PCDHGA5: variants seen among roughly 807,000 people sequenced by gnomAD.
The protein encoded by PCDHGA5 is protocadherin gamma-A5.
In PCDHGA5, 36 loss-of-function variants were observed where a neutral mutation model predicts 56.7. The observed-to-expected ratio is 0.64, with a 90% CI of 0.49 to 0.84. The LOEUF (loss-of-function observed/expected upper bound fraction) is 0.84. Among genes scored for constraint, PCDHGA5 ranks in the 40% least tolerant of loss-of-function variants. PCDHGA5 has a pLI of 0.00. For missense variants in PCDHGA5, 1,305 were observed against 1,201.5 expected, an observed-to-expected ratio of 1.09 and a Z score of -1.27; for synonymous variants, 563 against 520.2, an observed-to-expected ratio of 1.08 and a Z score of -1.12.
At position 141,476,105 on chromosome 5, in the gene PCDHGA5, C is replaced by T; in HGVS notation, c.2422-18702C>T. ...ATCTGGACCCCGCTGAGAGGAACTG[C>T]TTTTGAGTGAGATGGTCCCAGAGGC... On this transcript the variant is annotated intron_variant, in intron 1 of 3. Coordinates refer to ENST00000518069, the MANE Select transcript of PCDHGA5 (RefSeq NM_018918.3). This position sits in a 1 kb window ranked among gnomAD's most constrained non-coding sequence, Gnocchi z 7.6. 2.5e-6 allele frequency: 4 copies of T among 1,585,450 alleles called. No homozygotes were observed. The highest frequency in any genetic ancestry group is 3.4e-6 in the Non-Finnish European group (4 of 1,168,874).
In PCDHGA5 at chr5:141,489,844, C is replaced by G. The variant is rs1004902910; in HGVS notation, c.2422-4963C>G. Reference sequence around the variant, plus strand: ...GCTGGTGCTAGAGCAGCAGCTGGATCGTGAAGCCCAGGCAAGACATCAGCT... The same window carrying G: ...GCTGGTGCTAGAGCAGCAGCTGGATGGTGAAGCCCAGGCAAGACATCAGCT... On this transcript the variant is annotated intron_variant, in intron 1 of 3. Coordinates refer to ENST00000518069, the MANE Select transcript of PCDHGA5 (RefSeq NM_018918.3). The surrounding 1 kb of genome is among the most constrained non-coding windows in gnomAD (Gnocchi z 4.5). The G allele has an allele frequency of 1.2e-6, 2 of 1,614,030 alleles. No individual in the cohort carries two copies. Among genetic ancestry groups the G allele is most frequent in the Non-Finnish European group, 8.5e-7 (1 of 1,179,990 alleles).
intron 1 of PCDHGA5, chr5:141,392,138 G>C (rs1212519982): frequency 6.6e-6 from 1 of 152,142 alleles, no homozygotes; most frequent in Non-Finnish European, 1.5e-5. Context: ...TGATTAAGTA[G>C]TTTAAACCAA....
chr5:141,404,018 G>A (rs1280619437), intron 1 of PCDHGA5: 1 of 1,613,864 alleles, frequency 6.2e-7, no homozygotes, highest in African/African-American at 1.3e-5. Flanking sequence ...GTTTAGCCCA[G>A]TGAGAGAAGA....
At chr5:141,468,822 A>C (rs867400152) in intron 1 of PCDHGA5, among the ~76,000 whole-genome samples, 4 of 151,874 alleles carry the variant, frequency 2.6e-5, no homozygotes, top group Middle Eastern at 3.4e-3. Context: ...GCCAAGATCA[A>C]GCCACTGCAC....
intron 1 of PCDHGA5, chr5:141,375,574 G>A: frequency 6.2e-7 from 1 of 1,614,058 alleles, no homozygotes; most frequent in African/African-American, 1.3e-5. Context: ...ACACCCTCCA[G>A]GGGGCGCCCC....
At chr5:141,424,610 ATAGAG>A (rs1374272828) in intron 1 of PCDHGA5, 2 of 152,216 alleles carry the variant, frequency 1.3e-5, no homozygotes, top group African/African-American at 4.8e-5. Flanking sequence ...ATTTATTCAA[ATAGAG>A]TAGTTTGTGA....
In PCDHGA5 at chr5:141,487,260, C is replaced by T; in HGVS notation, c.2422-7547C>T. 6.2e-7 allele frequency: 1 copy of T among 1,614,116 alleles called. No homozygotes were observed. The highest frequency in any genetic ancestry group is 1.1e-5 in the South Asian group (1 of 91,080). On this transcript the variant is annotated intron_variant, in intron 1 of 3. Coordinates refer to ENST00000518069, the MANE Select transcript of PCDHGA5 (RefSeq NM_018918.3). The surrounding 1 kb of genome is among the most constrained non-coding windows in gnomAD (Gnocchi z 5.0). ...CGTCTAACCCTCTACTTGGCTGTGT[C>T]CCTAGTGGCAATTTGCTTTGTCTCC...
intron 1 of PCDHGA5, chr5:141,411,407 A>G (rs2154543610): frequency 6.6e-6 from 1 of 151,868 alleles, no homozygotes; most frequent in East Asian, 1.9e-4. Context: ...CCCCATCTCT[A>G]CTAAAACAAC....
At chr5:141,501,355 A>G (rs936121172) in intron 2 of PCDHGA5, among the ~76,000 whole-genome samples, 4 of 151,760 alleles carry the variant, frequency 2.6e-5, no homozygotes, top group African/African-American at 9.7e-5. Flanking sequence ...ATAGGGCAAG[A>G]ACCATATTCA....
rs761615702 is a variant in PCDHGA5, at chr5:141,366,655, C to T, written c.2325C>T (p.Tyr775=). The change falls in exon 1 of 4, where the codon TAC becomes TAT. Residue 775 remains tyrosine (Y), a synonymous_variant. Coordinates refer to ENST00000518069, the MANE Select transcript of PCDHGA5 (RefSeq NM_018918.3). ...ACCTGATCTTTCCCCAGCCCAACTACGCAGACACGCTCCTTAGTGAAGAGA... is the reference window on the plus strand; with the variant it reads ...ACCTGATCTTTCCCCAGCCCAACTATGCAGACACGCTCCTTAGTGAAGAGA... ...KSHLIFPQPN[Y]ADTLLSEESC... 7 of 1,614,102 alleles carry T rather than the reference C, an allele frequency of 4.3e-6. No individual in the cohort carries two copies. The highest frequency in any genetic ancestry group is 2.7e-5 in the African/African-American group (2 of 74,934).
Position 141,433,071 on chromosome 5 carries a change from C to T in PCDHGA5, c.2422-61736C>T, listed in dbSNP as rs2097566106. On this transcript the variant is annotated intron_variant, in intron 1 of 3. Transcript: ENST00000518069. ...TCGCGGAAGAGTCACCTGATCTTCC[C>T]CCAGCCCAACTATGCAGACATGCTC... 2.5e-6 allele frequency: 4 copies of T among 1,614,154 alleles called. No homozygotes were observed. The East Asian group carries it at 8.9e-5, about 36-fold the overall frequency.
At chr5:141,389,765 G>C in intron 1 of PCDHGA5, 1 of 1,612,992 alleles carries the variant, frequency 6.2e-7, no homozygotes, top group Non-Finnish European at 8.5e-7. Context: ...TGCGCACAGC[G>C]CGTGCCTTAG....
chr5:141,405,016 C>A (rs538744733), intron 1 of PCDHGA5: 1 of 1,614,006 alleles, frequency 6.2e-7, no homozygotes, highest in African/African-American at 1.3e-5. Flanking sequence ...AGGCCTCAGA[C>A]CTTACCCTCT....
chr5:141,469,880 C>T (rs774827232), intron 1 of PCDHGA5, among the ~76,000 whole-genome samples: 7 of 152,210 alleles, frequency 4.6e-5, no homozygotes, highest in East Asian at 1.9e-4. Flanking sequence ...CCTGTAATCT[C>T]GGCACTTTGG....
In PCDHGA5 at chr5:141,366,239, G is replaced by C. The variant is rs765141853; in HGVS notation, c.1909G>C (p.Ala637Pro). Residue 637 changes from alanine to proline, a missense_variant, in exon 1 of 4, where the codon GCG (alanine) becomes CCG (proline). Ala to Pro is a conservative substitution (Grantham distance 27). Coordinates refer to ENST00000518069, the MANE Select transcript of PCDHGA5 (RefSeq NM_018918.3). ...AGCGCGAGCCCTGCTGGACAGAGAC[G>C]CGCTCAAGCAGAGCCTCGTGGTGGC... ...RTARALLDRDALKQSLVVAVE... is the reference protein window; with the variant it reads ...RTARALLDRDPLKQSLVVAVE... 6 of 1,613,776 alleles carry C rather than the reference G, an allele frequency of 3.7e-6. No individual in the cohort carries two copies. The Admixed American group carries it at 8.3e-5, about 22-fold the overall frequency.
At chr5:141,450,727 T>G (rs1592137328) in intron 1 of PCDHGA5, among the ~76,000 whole-genome samples, 1 of 152,080 alleles carries the variant, frequency 6.6e-6, no homozygotes, top group Non-Finnish European at 1.5e-5. Flanking sequence ...CCTCAGGTGA[T>G]CCGCCCGCCT....
rs199756911 is a variant in PCDHGA5 at position 141,365,042 on chromosome 5, A to T, written c.712A>T (p.Asn238Tyr). Residue 238 changes from asparagine (N) to tyrosine (Y), a missense_variant, in exon 1 of 4, where the codon AAT becomes TAT. By Grantham distance (143) the Asn-to-Tyr change is moderately radical. Coordinates refer to ENST00000518069, the MANE Select transcript of PCDHGA5 (RefSeq NM_018918.3). ...IRVTVLDAND[N>Y]APLFTPSEYS... ...TGTTACGGTCCTCGACGCAAACGAC[A>T]ATGCGCCCCTGTTCACCCCATCCGA... 1.5e-4 allele frequency: 244 copies of T among 1,613,726 alleles called. No individual in the cohort carries two copies. Among genetic ancestry groups the T allele is most frequent in the Non-Finnish European group, 1.9e-4 (219 of 1,179,898 alleles).
intron 1 of PCDHGA5, chr5:141,395,121 T>G (rs773964445): frequency 1.2e-6 from 2 of 1,614,192 alleles, no homozygotes; most frequent in Admixed American, 3.3e-5. Context: ...TCACCTGATC[T>G]TTCCCCAGCC....
intron 1 of PCDHGA5, chr5:141,421,475 G>A (rs752558543): frequency 4.3e-6 from 7 of 1,614,150 alleles, no homozygotes. Flanking sequence ...CCGCGAAGCG[G>A]CAGCTTGATC....
Sources: allele counts gnomAD v4.1 joint callset (sites outside exome capture counted in the v4.1 genomes callset), GRCh38; gene constraint gnomAD v4.1.1; non-coding constraint Gnocchi (gnomAD v3.1); transcripts MANE v1.5; gene names NCBI Gene and HGNC (gene_info 2026-07-23, HGNC 2026-07-21).